NPAS3: variants seen among roughly 807,000 people sequenced by gnomAD.
NPAS3 encodes neuronal PAS domain protein 3.
A neutral mutation model predicts 73.1 loss-of-function variants in NPAS3; 14 were observed. The ratio of observed to expected loss-of-function variants is 0.19; its 90% CI spans 0.13 to 0.30. The LOEUF is 0.30. Ranked by LOEUF, NPAS3 falls within the 10% of genes least tolerant of loss-of-function variation. NPAS3 has a pLI of 1.00. For missense variants in NPAS3, 1,096 were observed against 1,250.0 expected (o/e 0.88, Z 1.86); for synonymous variants, 620 against 541.5 (o/e 1.14, Z -2.01).
At chr14:33,771,207 GCT>G (rs1429463661) in intron 7 of NPAS3, among the ~76,000 whole-genome samples, 4 of 152,240 alleles carry the variant, frequency 2.6e-5, no homozygotes, top group Non-Finnish European at 4.4e-5. Context: ...AGGAAAAAAA[GCT>G]CTGTTGGCAT....
intron 4 of NPAS3, among the ~76,000 whole-genome samples, chr14:33,524,004 A>G (rs2053677975): frequency 6.6e-6 from 1 of 152,212 alleles, no homozygotes; most frequent in South Asian, 2.1e-4. Context: ...GGCATATAAT[A>G]GCCAAAAATA....
chr14:33,342,809 G>A (rs867082562), intron 3 of NPAS3, among the ~76,000 whole-genome samples: 12 of 151,926 alleles, frequency 7.9e-5, no homozygotes, highest in Middle Eastern at 3.2e-3. Flanking sequence ...GCAGTTTAAT[G>A]AATTATTTTT....
chr14:33,787,474 A>G (rs941437935), intron 9 of NPAS3, among the ~76,000 whole-genome samples: 1 of 152,142 alleles, frequency 6.6e-6, no homozygotes, highest in Non-Finnish European at 1.5e-5. Context: ...TTAGGGGGGA[A>G]AATCCATCGA....
intron 3 of NPAS3, among the ~76,000 whole-genome samples, chr14:33,216,567 G>C (rs962898659): frequency 1.3e-5 from 2 of 152,190 alleles, no homozygotes; most frequent in African/African-American, 4.8e-5. Context: ...TTTTCTTCTA[G>C]AGCAACAGTT....
chr14:33,799,749 C>T (rs2063627151), exon 12 of NPAS3: 2 of 1,574,972 alleles, frequency 1.3e-6, no homozygotes, highest in East Asian at 4.7e-5. Flanking sequence ...AACGAGAACT[C>T]CAAGTCCGAC....
At chr14:33,794,153 C>T (rs554810824) in intron 10 of NPAS3, 109 bp downstream of exon 10, 6 of 953,268 alleles carry the variant, frequency 6.3e-6, no homozygotes, top group Non-Finnish European at 9.4e-6. Flanking sequence ...TTTGACAGTA[C>T]CTGGTGTGGA....
At chr14:33,297,974 A>G (rs2042371202) in intron 3 of NPAS3, among the ~76,000 whole-genome samples, 1 of 152,158 alleles carries the variant, frequency 6.6e-6, no homozygotes, top group African/African-American at 2.4e-5. Flanking sequence ...CAAGGCAGAG[A>G]GCAACTGGTT....
chr14:33,078,137 C>CA (rs1266086374), intron 2 of NPAS3, among the ~76,000 whole-genome samples: 19 of 148,554 alleles, frequency 1.3e-4, no homozygotes, highest in Middle Eastern at 3.5e-3. Context: ...AGACTGTTTC[C>CA]AAAAAAAATA....
chr14:33,327,488 G>A (rs1260370312), intron 3 of NPAS3, among the ~76,000 whole-genome samples: 1 of 152,168 alleles, frequency 6.6e-6, no homozygotes, highest in African/African-American at 2.4e-5. Flanking sequence ...ACAGGAAGTG[G>A]TCTGTTCCTC....
intron 4 of NPAS3, among the ~76,000 whole-genome samples, chr14:33,376,470 A>G (rs1055061039): frequency 4.6e-5 from 7 of 152,184 alleles, no homozygotes; most frequent in African/African-American, 1.7e-4. Context: ...CAGAACAAGT[A>G]CTAATGCCAG....
intron 2 of NPAS3, among the ~76,000 whole-genome samples, chr14:33,119,954 C>T (rs927433379): frequency 1.3e-5 from 2 of 152,056 alleles, no homozygotes; most frequent in African/African-American, 2.4e-5. Context: ...AACTGCATTG[C>T]TATAGTAGCA....
chr14:33,036,034 A>G (rs1382578230), intron 1 of NPAS3, among the ~76,000 whole-genome samples: 2 of 152,224 alleles, frequency 1.3e-5, no homozygotes, highest in East Asian at 3.8e-4. Flanking sequence ...GGTACAACCT[A>G]CAGCCTTTTG....
At chr14:33,491,206 C>A (rs920974588) in intron 4 of NPAS3, among the ~76,000 whole-genome samples, 1 of 151,958 alleles carries the variant, frequency 6.6e-6, no homozygotes, top group Non-Finnish European at 1.5e-5. Context: ...AAAGCCAGTC[C>A]TTTTGCTGCA....
intron 3 of NPAS3, among the ~76,000 whole-genome samples, chr14:33,251,363 G>A (rs1308218601): frequency 6.6e-6 from 1 of 152,042 alleles, no homozygotes; most frequent in African/African-American, 2.4e-5. Flanking sequence ...CTTAGGGTTG[G>A]GTGGGTGTAC....
chr14:33,212,819 G>A (rs770147206), intron 2 of NPAS3, among the ~76,000 whole-genome samples: 11 of 151,992 alleles, frequency 7.2e-5, no homozygotes, highest in African/African-American at 1.9e-4. Context: ...AAATACATTC[G>A]TGATCATTCT....
chr14:33,756,126 ATTTCT>A (rs1274715865), intron 7 of NPAS3, among the ~76,000 whole-genome samples: 4 of 152,138 alleles, frequency 2.6e-5, no homozygotes, highest in Non-Finnish European at 4.4e-5. Flanking sequence ...TTTGAGTTTG[ATTTCT>A]TTTATTAGTG....
intron 2 of NPAS3, among the ~76,000 whole-genome samples, chr14:33,129,301 T>G (rs1423580599): frequency 1.3e-5 from 2 of 152,170 alleles, no homozygotes; most frequent in Non-Finnish European, 2.9e-5. Flanking sequence ...ATGGGGTTTA[T>G]CAACCATTGT....
At chr14:32,975,209 C>T (rs1000838035) in intron 1 of NPAS3, among the ~76,000 whole-genome samples, 1 of 152,068 alleles carries the variant, frequency 6.6e-6, no homozygotes, top group African/African-American at 2.4e-5. Context: ...GCACAGAGAA[C>T]TTGCATTAAC....
chr14:33,180,566 G>A (rs1406004505), intron 2 of NPAS3, among the ~76,000 whole-genome samples: 1 of 152,010 alleles, frequency 6.6e-6, no homozygotes, highest in Admixed American at 6.6e-5. Flanking sequence ...TTGGGAGGCC[G>A]AGGCAGGCGG....
Sources: allele counts gnomAD v4.1 joint callset (sites outside exome capture counted in the v4.1 genomes callset), GRCh38; gene constraint gnomAD v4.1.1; transcripts MANE v1.5; gene names NCBI Gene and HGNC (gene_info 2026-07-23, HGNC 2026-07-21).